RPS6KA2: variants seen among roughly 807,000 people sequenced by gnomAD.
The protein encoded by RPS6KA2 is ribosomal protein S6 kinase alpha-2.
In RPS6KA2, 42 loss-of-function variants were observed where a neutral mutation model predicts 91.8. The ratio of observed to expected loss-of-function variants is 0.46; its 90% CI spans 0.36 to 0.59. The LOEUF (loss-of-function observed/expected upper bound fraction) is 0.59, where lower values mean the gene tolerates loss of function less well. Ranked by LOEUF, RPS6KA2 falls within the 20% of genes least tolerant of loss-of-function variation. The pLI is 0.00. For synonymous variants in RPS6KA2, 414 were observed against 393.6 expected, an observed-to-expected ratio of 1.05 and a Z score of -0.61; for missense variants, 798 against 978.5, an observed-to-expected ratio of 0.82 and a Z score of 2.46.
intron 2 of RPS6KA2, among the ~76,000 whole-genome samples, chr6:166,647,662 C>G (rs1395020104): frequency 2.0e-5 from 3 of 152,210 alleles, no homozygotes; most frequent in Non-Finnish European, 2.9e-5. Context: ...GAAAAATAGC[C>G]CCACCATTTA....
At chr6:166,842,682 T>A (rs1780514797) in intron 2 of RPS6KA2, among the ~76,000 whole-genome samples, 2 of 152,206 alleles carry the variant, frequency 1.3e-5, no homozygotes, top group Non-Finnish European at 2.9e-5. Flanking sequence ...CCACAACTTG[T>A]GTCTCCGGCC....
At chr6:166,721,810 AG>A (rs1790181836) in intron 2 of RPS6KA2, among the ~76,000 whole-genome samples, 1 of 151,302 alleles carries the variant, frequency 6.6e-6, no homozygotes, top group Non-Finnish European at 1.5e-5. Context: ...TTCCCCCAGG[AG>A]GTGCCAGCTC....
intron 2 of RPS6KA2, among the ~76,000 whole-genome samples, chr6:166,776,464 G>A (rs113959928): frequency 0.024 from 3,714 of 152,124 alleles, 172 homozygotes; most frequent in African/African-American, 0.086. Context: ...AAAATTGATC[G>A]TTTTAACATG....
At chr6:166,688,090 C>T (rs1383100692) in intron 2 of RPS6KA2, among the ~76,000 whole-genome samples, 1 of 152,036 alleles carries the variant, frequency 6.6e-6, no homozygotes, top group Admixed American at 6.5e-5. Flanking sequence ...GGAGACAGGG[C>T]CGCAGACCTC....
chr6:166,456,525 G>C (rs186848990), intron 12 of RPS6KA2, among the ~76,000 whole-genome samples: 59 of 152,318 alleles, frequency 3.9e-4, no homozygotes, highest in African/African-American at 1.2e-3. Flanking sequence ...CATGCTCTAG[G>C]GGGCAGCCAA....
At chr6:166,616,682 A>C (rs1056323042) in intron 1 of RPS6KA2, among the ~76,000 whole-genome samples, 5 of 152,198 alleles carry the variant, frequency 3.3e-5, no homozygotes, top group African/African-American at 1.2e-4. Flanking sequence ...GCCAGAGCCC[A>C]GGCCCACAGC....
intron 2 of RPS6KA2, among the ~76,000 whole-genome samples, chr6:166,660,115 A>C (rs559077099): frequency 7.2e-5 from 11 of 152,202 alleles, no homozygotes; most frequent in Non-Finnish European, 1.5e-4. Flanking sequence ...AGGAGAACTG[A>C]GGAATTTTAA....
Position 166,639,925 on chromosome 6 carries a change from C to T in RPS6KA2, c.124-101141G>A, listed in dbSNP as rs961970943. On this transcript the variant is annotated intron_variant, in intron 2 of 21. Transcript: ENST00000503859. This position sits in a 1 kb window ranked among gnomAD's most constrained non-coding sequence, Gnocchi z 4.2. ...AAACTACTTCAGAGAAGCAAGTGTC[C>T]GTAGCGTTCCATGCGTGTGTGTAAA... is the stretch of plus-strand genomic sequence containing the variant. Among the ~76,000 whole-genome samples, 1 of 152,186 alleles carries T rather than the reference C, an allele frequency of 6.6e-6. No homozygotes were observed. Among genetic ancestry groups the T allele is most frequent in the Admixed American group, 6.5e-5 (1 of 15,280 alleles).
intron 1 of RPS6KA2, among the ~76,000 whole-genome samples, chr6:166,575,903 G>A (rs1458386231): frequency 6.6e-6 from 1 of 152,136 alleles, no homozygotes; most frequent in Non-Finnish European, 1.5e-5. Context: ...AGCAAAATAG[G>A]TGATATGGTT....
chr6:166,505,727 T>C (rs1782189106), intron 5 of RPS6KA2, among the ~76,000 whole-genome samples: 1 of 152,238 alleles, frequency 6.6e-6, no homozygotes, highest in South Asian at 2.1e-4. Context: ...TGACAGTGAC[T>C]GGTGGGTGCC....
chr6:166,731,351 C>T (rs2128589005), intron 2 of RPS6KA2, among the ~76,000 whole-genome samples: 1 of 152,128 alleles, frequency 6.6e-6, no homozygotes, highest in Non-Finnish European at 1.5e-5. Flanking sequence ...TAGAAGCTGC[C>T]GACTGCCCTA....
chr6:166,445,144 T>C lies in RPS6KA2; in HGVS notation c.1332+3580A>G, dbSNP rs1381929772. ...ATTCCATACTCACTATGAACCTCCA[T>C]ACCTGACCGTCATAGAGGTGAAGAG... On this transcript the variant is annotated intron_variant, in intron 14 of 20. Transcript: ENST00000265678. The surrounding 1 kb of genome is among the most constrained non-coding windows in gnomAD (Gnocchi z 4.5). 6.6e-6 allele frequency among the ~76,000 whole-genome samples: 1 copy of C among 151,698 alleles called. No individual in the cohort carries two copies. The highest frequency in any genetic ancestry group is 1.5e-5 in the Non-Finnish European group (1 of 67,962).
chr6:166,582,085 G>A (rs1254056036), intron 1 of RPS6KA2, among the ~76,000 whole-genome samples: 1 of 139,012 alleles, frequency 7.2e-6, no homozygotes, highest in Non-Finnish European at 1.6e-5. Flanking sequence ...GGGGTGGGAC[G>A]CCCACTGGGC....
At chr6:166,779,400 G>T (rs7755921) in intron 2 of RPS6KA2, among the ~76,000 whole-genome samples, 31,969 of 151,970 alleles carry the variant, frequency 0.21, 4,086 homozygotes, top group African/African-American at 0.36. Context: ...GTTGAAGCCC[G>T]GCCCGCACAT....
At chr6:166,673,175 G>T (rs972107028) in intron 2 of RPS6KA2, among the ~76,000 whole-genome samples, 1 of 152,142 alleles carries the variant, frequency 6.6e-6, no homozygotes, top group Non-Finnish European at 1.5e-5. Context: ...TGGATGAAGG[G>T]CACCTTCTCT....
intron 1 of RPS6KA2, among the ~76,000 whole-genome samples, chr6:166,549,655 G>C (rs183661786): frequency 1.1e-3 from 170 of 152,210 alleles, no homozygotes; most frequent in Admixed American, 3.1e-3. Flanking sequence ...GTTGGTGTTG[G>C]GGGGGTGTGT....
At chr6:166,619,658 T>A (rs1786552870) in intron 1 of RPS6KA2, among the ~76,000 whole-genome samples, 1 of 152,246 alleles carries the variant, frequency 6.6e-6, no homozygotes, top group African/African-American at 2.4e-5. Context: ...TCCCAGCTTT[T>A]CTCACACAGA....
chr6:166,537,811 T>C (rs1783529096), intron 2 of RPS6KA2, among the ~76,000 whole-genome samples: 1 of 152,254 alleles, frequency 6.6e-6, no homozygotes, highest in African/African-American at 2.4e-5. Flanking sequence ...GCTTCATGGT[T>C]TATTTCAGGC....
chr6:166,599,710 C>T (rs946695960), intron 1 of RPS6KA2, among the ~76,000 whole-genome samples: 9 of 152,130 alleles, frequency 5.9e-5, no homozygotes, highest in African/African-American at 2.2e-4. Context: ...AACAAATAAG[C>T]TGTAGGGGGA....
Sources: allele counts gnomAD v4.1 joint callset (sites outside exome capture counted in the v4.1 genomes callset), GRCh38; gene constraint gnomAD v4.1.1; non-coding constraint Gnocchi (gnomAD v3.1); transcripts MANE v1.5; gene names NCBI Gene and HGNC (gene_info 2026-07-23, HGNC 2026-07-21).